The following TCF20 variants were observed in gnomAD, a reference collection of about 807,000 sequenced individuals.
TCF20 encodes the protein SPRE-binding protein.
TCF20 carries 3 observed loss-of-function variants against 148.6 expected under a neutral mutation model. That is an observed-to-expected ratio of 0.02 (90% CI 0.01 to 0.05). TCF20 has a LOEUF of 0.05. TCF20 is among the 10% of genes least tolerant of loss of function. The probability of loss-of-function intolerance (pLI) is 1.00; values close to 1 mark genes in which losing one functional copy is unlikely to be tolerated. For synonymous variants in TCF20, 1,049 were observed against 909.5 expected, an observed-to-expected ratio of 1.15 and a Z score of -2.76; for missense variants, 2,350 against 2,429.3, an observed-to-expected ratio of 0.97 and a Z score of 0.69.
chr22:42,290,548 T>G lies in TCF20; in HGVS notation c.-37+52931A>C, dbSNP rs1927114918. 1.3e-5 allele frequency among the ~76,000 whole-genome samples: 2 copies of G among 151,958 alleles called. No individual in the cohort carries two copies. Among genetic ancestry groups the G allele is most frequent in the South Asian group, 2.1e-4 (1 of 4,824 alleles). Reference sequence around the variant, plus strand: ...TTTGCTTAGCACAGGCAGGGGACCCTCTCCCCACAGTGTGGCCTGTGATAT... The same window carrying G: ...TTTGCTTAGCACAGGCAGGGGACCCGCTCCCCACAGTGTGGCCTGTGATAT... On this transcript the variant is annotated intron_variant, in intron 1 of 1. Transcript: ENST00000515426. The surrounding 1 kb of genome is among the most constrained non-coding windows in gnomAD (Gnocchi z 4.2).
At chr22:42,188,786 C>T (rs147818923) in intron 2 of TCF20, among the ~76,000 whole-genome samples, 7 of 152,252 alleles carry the variant, frequency 4.6e-5, no homozygotes, top group African/African-American at 1.7e-4. Context: ...ATTTTTATTG[C>T]ATGCCTGTGT....
chr22:42,218,156 G>A (rs192898618), intron 1 of TCF20, among the ~76,000 whole-genome samples: 2 of 152,256 alleles, frequency 1.3e-5, no homozygotes, highest in East Asian at 1.9e-4. Flanking sequence ...ACACTAGCAC[G>A]CTCCTTTTAC....
At chr22:42,251,661 C>A (rs1925381887) in intron 1 of TCF20, among the ~76,000 whole-genome samples, 2 of 151,162 alleles carry the variant, frequency 1.3e-5, no homozygotes, top group Admixed American at 6.6e-5. Flanking sequence ...TGCAACCATG[C>A]CTAGATAATT....
Position 42,212,080 on chromosome 22 carries a change from T to G in TCF20, c.3226A>C (p.Asn1076His). 6.2e-7 allele frequency: 1 copy of G among 1,614,160 alleles called. No homozygotes were observed. ...NTRAHAYGDP[N>H]AGLNSQLHYK... ...TGCAGCTGAGAATTCAAACCTGCGTTAGGGTCCCCATAAGCATGAGCCCGA... is the reference window on the plus strand; with the variant it reads ...TGCAGCTGAGAATTCAAACCTGCGTGAGGGTCCCCATAAGCATGAGCCCGA... Residue 1076 changes from asparagine (N) to histidine (H), a missense_variant, in exon 2 of 6, where the codon AAC becomes CAC. This residue lies in a region of TCF20 where 1,641 missense variants were observed against 1,662.6 expected (regional missense o/e 0.99). Coordinates refer to ENST00000677622, the MANE Select transcript of TCF20 (RefSeq NM_001378418.1).
chr22:42,287,845 A>T (rs977261199), upstream of TCF20, among the ~76,000 whole-genome samples: 6 of 152,270 alleles, frequency 3.9e-5, no homozygotes, highest in Non-Finnish European at 8.8e-5. Context: ...AGTTGCATGG[A>T]AGTCTAAAGC....
intron 2 of TCF20, among the ~76,000 whole-genome samples, chr22:42,195,467 A>G (rs1937543761): frequency 6.6e-6 from 1 of 151,786 alleles, no homozygotes; most frequent in Admixed American, 6.6e-5. Context: ...AATTCTGACC[A>G]GCATATTCAC....
At chr22:42,207,919 T>TG (rs1938500382) in intron 2 of TCF20, among the ~76,000 whole-genome samples, 1 of 152,220 alleles carries the variant, frequency 6.6e-6, no homozygotes, top group African/African-American at 2.4e-5. Context: ...CCAAGTGTAG[T>TG]GGCTCACGCC....
intron 1 of TCF20, among the ~76,000 whole-genome samples, chr22:42,234,663 A>G (rs902127207): frequency 2.6e-5 from 4 of 152,192 alleles, no homozygotes; most frequent in Admixed American, 1.3e-4. Flanking sequence ...TTAAAAGCCC[A>G]AACCAAAAAA....
intron 1 of TCF20, among the ~76,000 whole-genome samples, chr22:42,310,502 C>T (rs1021677995): frequency 6.6e-5 from 10 of 150,876 alleles, no homozygotes; most frequent in Non-Finnish European, 1.2e-4. Flanking sequence ...GCCAGGGGGG[C>T]GCGTGGGCTC....
intron 2 of TCF20, among the ~76,000 whole-genome samples, chr22:42,182,499 G>A (rs184094353): frequency 6.6e-6 from 1 of 152,330 alleles, no homozygotes; most frequent in Admixed American, 6.5e-5. Context: ...AAGACGTGGA[G>A]CTTAGATCTG....
chr22:42,296,296 T>C (rs1927235813), intron 1 of TCF20, among the ~76,000 whole-genome samples: 1 of 152,228 alleles, frequency 6.6e-6, no homozygotes, highest in Non-Finnish European at 1.5e-5. Flanking sequence ...ACTCAGCAAG[T>C]ACTGGCTCAG....
At chr22:42,249,309 A>T (rs1268517220) in intron 1 of TCF20, among the ~76,000 whole-genome samples, 6 of 152,214 alleles carry the variant, frequency 3.9e-5, no homozygotes, top group Admixed American at 3.9e-4. Context: ...GGGACTTCTC[A>T]GCCACCATTA....
intron 5 of TCF20, among the ~76,000 whole-genome samples, chr22:42,168,401 T>C (rs926286414): frequency 6.6e-6 from 1 of 152,138 alleles, no homozygotes; most frequent in African/African-American, 2.4e-5. Context: ...CTGCACCCCA[T>C]TGGCAGTGGA....
chr22:42,175,053 G>A (rs555581629), intron 3 of TCF20, among the ~76,000 whole-genome samples: 2 of 151,044 alleles, frequency 1.3e-5, no homozygotes, highest in African/African-American at 4.9e-5. Context: ...AAAAAAAAAA[G>A]CCATTTTTTT....
intron 1 of TCF20, among the ~76,000 whole-genome samples, chr22:42,315,332 T>G (rs1927609787): frequency 6.6e-6 from 1 of 150,860 alleles, no homozygotes; most frequent in African/African-American, 2.4e-5. Flanking sequence ...CCATCTGGGG[T>G]CCTCATGGCA....
chr22:42,219,393 T>G (rs1053419226), intron 1 of TCF20, among the ~76,000 whole-genome samples: 72 of 77,712 alleles, frequency 9.3e-4, no homozygotes, highest in African/African-American at 3.6e-3. Context: ...CTAATAGAGA[T>G]AATTCCAATT....
Position 42,212,073 on chromosome 22 carries a change from C to G in TCF20, c.3233G>C (p.Gly1078Ala). ...RAHAYGDPNA[G>A]LNSQLHYKRQ... ...CTTATAATGCAGCTGAGAATTCAAA[C>G]CTGCGTTAGGGTCCCCATAAGCATG... The change falls in exon 2 of 6, where the codon GGT (glycine) becomes GCT (alanine). Residue 1078 changes from glycine to alanine, a missense_variant. Gly to Ala is a moderately conservative substitution (Grantham distance 60, BLOSUM62 0). Coordinates refer to ENST00000677622, the MANE Select transcript of TCF20 (RefSeq NM_001378418.1). 1 of 1,614,116 alleles carries G rather than the reference C, an allele frequency of 6.2e-7. No individual in the cohort carries two copies. Among genetic ancestry groups the G allele is most frequent in the Non-Finnish European group, 8.5e-7 (1 of 1,180,034 alleles).
chr22:42,231,150 A>G (rs1328542600), intron 1 of TCF20, among the ~76,000 whole-genome samples: 2 of 152,208 alleles, frequency 1.3e-5, no homozygotes, highest in African/African-American at 4.8e-5. Flanking sequence ...CGACACAGCA[A>G]GACTCTGTCT....
At chr22:42,250,665 C>T (rs1212075155) in intron 1 of TCF20, among the ~76,000 whole-genome samples, 2 of 152,106 alleles carry the variant, frequency 1.3e-5, no homozygotes, top group African/African-American at 4.8e-5. Flanking sequence ...CATGCAACTA[C>T]GGTTAGTATA....
Sources: allele counts gnomAD v4.1 joint callset (sites outside exome capture counted in the v4.1 genomes callset), GRCh38; gene constraint gnomAD v4.1.1; regional missense constraint gnomAD v4.1.1; non-coding constraint Gnocchi (gnomAD v3.1); transcripts MANE v1.5; gene names NCBI Gene and HGNC (gene_info 2026-07-23, HGNC 2026-07-21).